Variants in LRRK2 observed in about 807,000 individuals in gnomAD.
The protein encoded by LRRK2 is leucine rich repeat kinase 2, also known as leucine-rich repeat serine/threonine-protein kinase 2.
Under a neutral mutation model 302.6 loss-of-function variants are expected in LRRK2, and 203 were observed. The ratio of observed to expected loss-of-function variants is 0.67; its 90% confidence interval spans 0.60 to 0.75. The LOEUF is 0.75. LRRK2 is among the 30% of genes least tolerant of loss of function. The pLI is 0.00. For missense variants in LRRK2, 2,830 were observed against 2,951.0 expected (o/e 0.96, Z 0.95); for synonymous variants, 1,066 against 1,031.9 (o/e 1.03, Z -0.63).
rs1440037674 is a variant in LRRK2 at position 40,261,248 on chromosome 12, G to A, written c.1543+1644G>A. ...CTTTTGATTATCCTTAAAGTTGACA[G>A]CCTTATTCTTTTGAGGGAGGTTTTG... On this transcript the variant is annotated intron_variant, in intron 13 of 50. Transcript: ENST00000298910. 2.6e-5 allele frequency among the ~76,000 whole-genome samples: 4 copies of A among 152,078 alleles called. No homozygotes were observed. The East Asian group carries it at 7.7e-4, about 29-fold the overall frequency.
chr12:40,349,861 C>A (rs1026501147), intron 43 of LRRK2, among the ~76,000 whole-genome samples: 1 of 152,202 alleles, frequency 6.6e-6, no homozygotes, highest in Non-Finnish European at 1.5e-5. Context: ...TCTTCTCAAG[C>A]GTCTTTCAAT....
Position 40,340,255 on chromosome 12 carries a change from A to G in LRRK2, c.5949-39A>G, listed in dbSNP as rs34903939. 3.9e-4 allele frequency: 620 copies of G among 1,604,662 alleles called. 5 individuals carry two copies. The Middle Eastern group carries it at 4.7e-3, about 12-fold the overall frequency. On this transcript the variant is annotated intron_variant, in intron 40 of 50. Transcript: ENST00000298910. ...TTAGGACAAAAATTATTATAATGTA[A>G]TCACATTTGAATAAGATTTCCTGTG...
At chr12:40,251,411 A>G in intron 9 of LRRK2, 37 bp downstream of exon 9, 1 of 1,613,366 alleles carries the variant, frequency 6.2e-7, no homozygotes, top group South Asian at 1.1e-5. Context: ...ATTCAAAATT[A>G]TGTTTTCCAG....
chr12:40,269,113 C>G (rs1404241275), intron 14 of LRRK2, among the ~76,000 whole-genome samples: 1 of 152,026 alleles, frequency 6.6e-6, no homozygotes, highest in African/African-American at 2.4e-5. Flanking sequence ...TAATATCTAT[C>G]AAAATTAAAA....
Position 40,320,177 on chromosome 12 carries a change from T to TA in LRRK2, c.5015+5dup. 1 of 1,610,454 alleles carries TA rather than the reference T, an allele frequency of 6.2e-7. No individual in the cohort carries two copies. Among genetic ancestry groups the TA allele is most frequent in the Admixed American group, 1.7e-5 (1 of 59,742 alleles). On this transcript the variant is annotated splice_region_variant and intron_variant, in intron 34 of 50. Coordinates refer to ENST00000298910, the MANE Select transcript of LRRK2 (RefSeq NM_198578.4). ...AGAATATTTGCTGGTTCCAAGCAGG[T>TA]AAAGAAAACCTTAAAAAATTAATTG... is the stretch of plus-strand genomic sequence containing the variant.
At chr12:40,310,279 G>C (rs972244469) in intron 30 of LRRK2, 152 bp from the exon 31 acceptor site, 3 of 795,108 alleles carry the variant, frequency 3.8e-6, no homozygotes, top group African/African-American at 3.5e-5. Flanking sequence ...TTAGGTTTAA[G>C]GAAAAAAGGA....
intron 41 of LRRK2, among the ~76,000 whole-genome samples, chr12:40,343,965 G>A (rs1421782248): frequency 6.6e-6 from 1 of 152,112 alleles, no homozygotes; most frequent in Non-Finnish European, 1.5e-5. Context: ...TTTCATGCTA[G>A]AGATCATGCC....
chr12:40,282,665 A>G (rs1243787645), intron 18 of LRRK2, among the ~76,000 whole-genome samples: 2 of 152,168 alleles, frequency 1.3e-5, no homozygotes, highest in African/African-American at 4.8e-5. Context: ...TGGTGACTTG[A>G]TCAGAGCTCT....
chr12:40,291,551 T>C (rs896100145), intron 20 of LRRK2, among the ~76,000 whole-genome samples: 2 of 151,942 alleles, frequency 1.3e-5, no homozygotes, highest in Non-Finnish European at 2.9e-5. Context: ...TTTCTGGTTA[T>C]TGGTTTCAGT....
intron 7 of LRRK2, among the ~76,000 whole-genome samples, chr12:40,244,031 T>A (rs745446061): frequency 6.6e-6 from 1 of 152,056 alleles, no homozygotes; most frequent in Non-Finnish European, 1.5e-5. Flanking sequence ...CATACAAAAA[T>A]ATGCATAACA....
chr12:40,290,820 T>G (rs17466185), intron 20 of LRRK2, among the ~76,000 whole-genome samples: 20,091 of 151,998 alleles, frequency 0.13, 1,595 homozygotes, highest in African/African-American at 0.18. Context: ...TTATCTTTAT[T>G]GTTCCCTTTT....
intron 8 of LRRK2, 54 bp from the exon 9 acceptor site, chr12:40,251,178 T>TG: frequency 8.2e-7 from 1 of 1,221,256 alleles, no homozygotes; most frequent in East Asian, 2.6e-5. Context: ...TTGGTCAAAC[T>TG]GTTAAGTAGA....
chr12:40,324,416 A>G (rs2136899403), intron 38 of LRRK2, among the ~76,000 whole-genome samples: 1 of 152,322 alleles, frequency 6.6e-6, no homozygotes, highest in Non-Finnish European at 1.5e-5. Flanking sequence ...ACAGTATGTT[A>G]TTATTAACTG....
chr12:40,241,655 A>G (rs1244733384), intron 6 of LRRK2, among the ~76,000 whole-genome samples: 1 of 152,228 alleles, frequency 6.6e-6, no homozygotes, highest in Non-Finnish European at 1.5e-5. Context: ...TAAGTGTTCT[A>G]AAATCACTGA....
At chr12:40,257,529 G>T in intron 12 of LRRK2, 152 bp downstream of exon 12, 4 of 833,646 alleles carry the variant, frequency 4.8e-6, no homozygotes, top group Non-Finnish European at 5.7e-6. Context: ...CGTGTCACTA[G>T]TACCATAGAC....
chr12:40,335,332 GGAAACCATGCA>G (rs1468091058), intron 40 of LRRK2, among the ~76,000 whole-genome samples, 175 bp downstream of exon 40: 2 of 152,180 alleles, frequency 1.3e-5, no homozygotes, highest in East Asian at 3.8e-4. Context: ...ATAAGAGTAT[GGAAACCATGCA>G]GAACCTCATA....
In LRRK2 at chr12:40,346,847, A is replaced by C; in HGVS notation, c.6204A>C (p.Thr2068=). The change falls in exon 42 of 51, where the codon ACA becomes ACC. Residue 2068 remains threonine (T), a synonymous_variant. Coordinates refer to ENST00000298910, the MANE Select transcript of LRRK2 (RefSeq NM_198578.4). ...SFGLLLYDIL[T]TGGRIVEGLK... is the part of the protein sequence containing the mutation. ...GTTTACTACTCTATGACATTTTGAC[A>C]ACTGGAGGTAGAATAGTAGAGGGTT... is the stretch of plus-strand genomic sequence containing the variant. The C allele has an allele frequency of 6.2e-7, 1 of 1,613,892 alleles. No individual in the cohort carries two copies. Among genetic ancestry groups the C allele is most frequent in the Non-Finnish European group, 8.5e-7 (1 of 1,179,856 alleles).
chr12:40,320,530 T>C (rs11564177), intron 34 of LRRK2, among the ~76,000 whole-genome samples: 21,994 of 151,864 alleles, frequency 0.14, 1,725 homozygotes, highest in African/African-American at 0.19. Context: ...TCTGAGAAGA[T>C]AGTGAGTTTT....
intron 45 of LRRK2, among the ~76,000 whole-genome samples, chr12:40,354,892 T>TA (rs1946479960): frequency 1.3e-5 from 2 of 151,940 alleles, no homozygotes; most frequent in African/African-American, 2.4e-5. Flanking sequence ...GGCTTAAACA[T>TA]ACCAGTTATC....
Sources: allele counts gnomAD v4.1 joint callset (sites outside exome capture counted in the v4.1 genomes callset), GRCh38; gene constraint gnomAD v4.1.1; transcripts MANE v1.5; gene names NCBI Gene and HGNC (gene_info 2026-07-23, HGNC 2026-07-21).